XKR4: variants seen among roughly 807,000 people sequenced by gnomAD.
XKR4 encodes the protein XK-related protein 4.
Under a neutral mutation model 53.9 loss-of-function variants are expected in XKR4, and 12 were observed. The ratio of observed to expected loss-of-function variants is 0.22; its 90% confidence interval spans 0.14 to 0.36. XKR4 has a LOEUF of 0.36. XKR4 is among the 10% of genes least tolerant of loss of function. The probability of loss-of-function intolerance (pLI) is 1.00; values close to 1 mark genes in which losing one functional copy is unlikely to be tolerated. For synonymous variants in XKR4, 354 were observed against 362.4 expected, an observed-to-expected ratio of 0.98 and a Z score of 0.26; for missense variants, 799 against 859.5, an observed-to-expected ratio of 0.93 and a Z score of 0.88.
At chr8:55,510,863 G>A (rs970325109) in intron 2 of XKR4, among the ~76,000 whole-genome samples, 10 of 152,182 alleles carry the variant, frequency 6.6e-5, no homozygotes, top group African/African-American at 1.9e-4. Flanking sequence ...CCCAGGTCCC[G>A]TGCCCTGCGA....
chr8:55,443,848 A>G (rs1563351298), intron 2 of XKR4, among the ~76,000 whole-genome samples: 1 of 143,882 alleles, frequency 7.0e-6, no homozygotes, highest in African/African-American at 2.6e-5. Flanking sequence ...TCAAAAAAAA[A>G]AAAAAAGAAA....
intron 1 of XKR4, among the ~76,000 whole-genome samples, chr8:55,228,831 A>G (rs1286351900): frequency 9.9e-6 from 1 of 101,220 alleles, no homozygotes; most frequent in Non-Finnish European, 2.1e-5. Context: ...ATGTATGTAT[A>G]TGTGTGTATG....
intron 1 of XKR4, among the ~76,000 whole-genome samples, chr8:55,127,400 G>T (rs541401504): frequency 6.1e-4 from 93 of 151,726 alleles, no homozygotes; most frequent in African/African-American, 2.2e-3. Flanking sequence ...TTACAGGCAT[G>T]CACCACCATG....
intron 2 of XKR4, among the ~76,000 whole-genome samples, chr8:55,464,484 A>G (rs12674609): frequency 0.41 from 62,403 of 151,996 alleles, 13,497 homozygotes; most frequent in East Asian, 0.53. Context: ...TCTCAAAATA[A>G]TAAGAGCTAT....
chr8:55,223,791 G>A (rs767902552), intron 1 of XKR4, among the ~76,000 whole-genome samples: 11 of 152,264 alleles, frequency 7.2e-5, no homozygotes, highest in Non-Finnish European at 8.8e-5. Flanking sequence ...ACCTTTCGCC[G>A]GAGGGCAACA....
chr8:55,303,581 C>A (rs1482650174), intron 1 of XKR4, among the ~76,000 whole-genome samples: 1 of 152,200 alleles, frequency 6.6e-6, no homozygotes, highest in Non-Finnish European at 1.5e-5. Context: ...GGTACCAGCT[C>A]CTCGTTGTAC....
At chr8:55,312,064 A>G (rs1425814273) in intron 1 of XKR4, among the ~76,000 whole-genome samples, 1 of 152,084 alleles carries the variant, frequency 6.6e-6, no homozygotes, top group African/African-American at 2.4e-5. Context: ...AATTATTCTA[A>G]AAAGCTTCCA....
intron 1 of XKR4, among the ~76,000 whole-genome samples, chr8:55,174,487 A>G (rs760036735): frequency 3.9e-5 from 6 of 152,260 alleles, no homozygotes; most frequent in Non-Finnish European, 7.3e-5. Flanking sequence ...GGGCTTCACA[A>G]AGTGCTTGTC....
intron 1 of XKR4, among the ~76,000 whole-genome samples, chr8:55,288,478 G>A (rs1464623053): frequency 6.6e-6 from 1 of 152,164 alleles, no homozygotes; most frequent in Non-Finnish European, 1.5e-5. Flanking sequence ...AATGAAACCA[G>A]ATATTTTAAT....
intron 1 of XKR4, among the ~76,000 whole-genome samples, chr8:55,260,131 C>G (rs567014508): frequency 6.6e-6 from 1 of 152,328 alleles, no homozygotes; most frequent in East Asian, 1.9e-4. Flanking sequence ...CAGTACCAGG[C>G]ACAGTGGGCG....
rs547708290 is a variant in XKR4 at position 55,465,330 on chromosome 8, C to T, written c.1007-57951C>T. On this transcript the variant is annotated intron_variant, in intron 2 of 2. Transcript: ENST00000327381. ...CATAACAGAGTCCCAGAAATAATGC[C>T]GCATATCTACAACCATCTGATCTTT... is the stretch of plus-strand genomic sequence containing the variant. Among the ~76,000 whole-genome samples, 15 of 152,108 alleles carry T rather than the reference C, an allele frequency of 9.9e-5. No individual in the cohort carries two copies. In the South Asian group the frequency reaches 1.2e-3, roughly 13 times the overall value.
At chr8:55,428,277 C>A (rs1263642095) in intron 2 of XKR4, among the ~76,000 whole-genome samples, 4 of 152,076 alleles carry the variant, frequency 2.6e-5, no homozygotes, top group Admixed American at 1.3e-4. Flanking sequence ...CAAAGAGTTC[C>A]CTGAGTTTTC....
At chr8:55,283,972 C>T (rs751998763) in intron 1 of XKR4, among the ~76,000 whole-genome samples, 8 of 152,072 alleles carry the variant, frequency 5.3e-5, no homozygotes, top group Non-Finnish European at 1.2e-4. Flanking sequence ...TTCCTTCCAG[C>T]TCTGCCATGA....
intron 2 of XKR4, among the ~76,000 whole-genome samples, chr8:55,499,085 T>A (rs1806399086): frequency 6.6e-6 from 1 of 152,224 alleles, no homozygotes; most frequent in Non-Finnish European, 1.5e-5. Flanking sequence ...TCCTGGTTAC[T>A]TGAGGAAACG....
At chr8:55,481,713 A>G (rs994697904) in intron 2 of XKR4, among the ~76,000 whole-genome samples, 1 of 152,034 alleles carries the variant, frequency 6.6e-6, no homozygotes, top group Non-Finnish European at 1.5e-5. Flanking sequence ...AAAACAAACA[A>G]CCCCATCAAA....
chr8:55,472,317 T>G (rs566704306), intron 2 of XKR4, among the ~76,000 whole-genome samples: 97 of 152,304 alleles, frequency 6.4e-4, no homozygotes, highest in Non-Finnish European at 1.1e-3. Context: ...TTAGATACAA[T>G]TCTCCACATG....
intron 1 of XKR4, among the ~76,000 whole-genome samples, chr8:55,171,266 G>A (rs1817151907): frequency 6.6e-6 from 1 of 152,190 alleles, no homozygotes; most frequent in Non-Finnish European, 1.5e-5. Flanking sequence ...TAATGGTGAG[G>A]CGTTTGATAG....
chr8:55,445,543 A>T (rs1805334911), intron 2 of XKR4, among the ~76,000 whole-genome samples: 1 of 152,190 alleles, frequency 6.6e-6, no homozygotes, highest in Non-Finnish European at 1.5e-5. Flanking sequence ...CTAAGAGAAA[A>T]GGCCCTAGAA....
chr8:55,137,406 G>A (rs554719027), intron 1 of XKR4, among the ~76,000 whole-genome samples: 1 of 152,242 alleles, frequency 6.6e-6, no homozygotes, highest in East Asian at 1.9e-4. Context: ...AAGGCATTTA[G>A]TTAAATCCAA....
Sources: gnomAD v4.1 joint callset for allele counts (sites outside exome capture counted in the v4.1 genomes callset) on GRCh38, gnomAD v4.1.1 for gene constraint, MANE v1.5 for transcripts, NCBI Gene and HGNC (gene_info 2026-07-23, HGNC 2026-07-21) for gene names.